Variants in PPP1R12B observed in about 807,000 individuals in gnomAD.
PPP1R12B encodes protein phosphatase 1 regulatory subunit 12B, also known as myosin phosphatase target subunit 2.
In PPP1R12B, 76 loss-of-function variants were observed where a neutral mutation model predicts 126.1. The ratio of observed to expected loss-of-function variants is 0.60; its 90% CI spans 0.50 to 0.73. PPP1R12B has a LOEUF of 0.73. PPP1R12B is among the 30% of genes least tolerant of loss of function. The pLI is 0.00. For synonymous variants in PPP1R12B, 356 were observed against 434.7 expected (o/e 0.82, Z 2.25); for missense variants, 1,052 against 1,205.1 (o/e 0.87, Z 1.88).
intron 20 of PPP1R12B, among the ~76,000 whole-genome samples, chr1:202,563,604 A>G (rs1369853835): frequency 2.0e-5 from 3 of 151,066 alleles, no homozygotes; most frequent in Non-Finnish European, 2.9e-5. Flanking sequence ...GTGAATATCA[A>G]CTAAATACTA....
At chr1:202,422,805 A>C in intron 3 of PPP1R12B, 67 bp downstream of exon 3, 1 of 1,603,712 alleles carries the variant, frequency 6.2e-7, no homozygotes, top group African/African-American at 1.3e-5. Context: ...AAAATAATCC[A>C]TTTGCTGTGC....
intron 18 of PPP1R12B, among the ~76,000 whole-genome samples, chr1:202,547,484 G>A (rs1164848153): frequency 6.6e-6 from 1 of 152,164 alleles, no homozygotes. Context: ...GATACTGAAA[G>A]TGTGTCTGGA....
chr1:202,467,487 T>A (rs1675192495), intron 13 of PPP1R12B, among the ~76,000 whole-genome samples: 1 of 152,088 alleles, frequency 6.6e-6, no homozygotes, highest in South Asian at 2.1e-4. Flanking sequence ...TGGTTTTTTG[T>A]CCTTGTGATA....
At position 202,478,788 on chromosome 1, in the gene PPP1R12B, G is replaced by C. The variant is rs188028012; in HGVS notation, c.1851-9745G>C. Among the ~76,000 whole-genome samples, 6 of 152,228 alleles carry C rather than the reference G, an allele frequency of 3.9e-5. No individual in the cohort carries two copies. In the East Asian group the frequency reaches 1.2e-3, roughly 29 times the overall value. On this transcript the variant is annotated intron_variant, in intron 13 of 23. Coordinates refer to ENST00000608999, the MANE Select transcript of PPP1R12B (RefSeq NM_002481.4). The stretch of plus-strand genomic sequence containing the variant: ...AAAAGCAGTGTGATTTCACATGTGT[G>C]ATTTCAGATATTTAAGATTCCAAGT...
At chr1:202,473,756 T>G (rs1676250164) in intron 13 of PPP1R12B, among the ~76,000 whole-genome samples, 1 of 152,218 alleles carries the variant, frequency 6.6e-6, no homozygotes. Context: ...TCCTCCTCCT[T>G]AGTAGCAGCT....
At chr1:202,559,869 C>G (rs1199923863) in intron 19 of PPP1R12B, among the ~76,000 whole-genome samples, 1 of 152,122 alleles carries the variant, frequency 6.6e-6, no homozygotes, top group African/African-American at 2.4e-5. Context: ...TGTGAACTCT[C>G]TCGTATTATA....
chr1:202,415,473 G>C (rs1667947226), intron 1 of PPP1R12B, among the ~76,000 whole-genome samples: 1 of 152,156 alleles, frequency 6.6e-6, no homozygotes, highest in African/African-American at 2.4e-5. Context: ...GGATTAAAAG[G>C]CAAGTTTTAA....
In PPP1R12B at chr1:202,588,383, G is replaced by C. The variant is rs1006609810; in HGVS notation, c.*7823G>C. The C allele has an allele frequency of 6.6e-6, 1 of 152,572 alleles. No homozygotes were observed. The highest frequency in any genetic ancestry group is 1.5e-5 in the Non-Finnish European group (1 of 68,030). 9.5% of individuals were successfully genotyped at this position (152,572 alleles called of 1,614,324 possible). On this transcript the variant is annotated 3_prime_UTR_variant, in exon 24 of 24. Transcript: ENST00000608999. ...GCCAGACTTGCTTTGTGAACTGAAT[G>C]TATTTTTATGCAATTTTGAGTGGCC...
At chr1:202,417,008 A>G (rs1668164787) in intron 2 of PPP1R12B, 91 bp downstream of exon 2, 1 of 1,376,292 alleles carries the variant, frequency 7.3e-7, no homozygotes, top group East Asian at 2.5e-5. Context: ...TTTTATAAAT[A>G]GTTATAATCT....
At chr1:202,435,708 A>T (rs968422963) in intron 9 of PPP1R12B, among the ~76,000 whole-genome samples, 1 of 152,196 alleles carries the variant, frequency 6.6e-6, no homozygotes, top group Non-Finnish European at 1.5e-5. Flanking sequence ...AGCTGTTGAA[A>T]AAGCTCTGTG....
At position 202,587,908 on chromosome 1, in the gene PPP1R12B, G is replaced by C. The variant is rs527463661; in HGVS notation, c.*7348G>C. On this transcript the variant is annotated 3_prime_UTR_variant, in exon 24 of 24. Coordinates refer to ENST00000608999, the MANE Select transcript of PPP1R12B (RefSeq NM_002481.4). The stretch of plus-strand genomic sequence containing the variant: ...AGGCTGCGGGGTAGGAGAGGGTTCT[G>C]AGAGGAGGCAGCAATCCAGAATACC... 6.6e-6 allele frequency: 1 copy of C among 152,252 alleles called. No homozygotes were observed. Among genetic ancestry groups the C allele is most frequent in the South Asian group, 2.1e-4 (1 of 4,830 alleles). The allele number at this position is 152,252 out of a possible 1,614,324, so 9.4% of individuals were successfully genotyped here.
At chr1:202,546,259 G>A (rs1164279917) in intron 18 of PPP1R12B, among the ~76,000 whole-genome samples, 1 of 152,136 alleles carries the variant, frequency 6.6e-6, no homozygotes, top group Non-Finnish European at 1.5e-5. Context: ...CTGAGAGAGG[G>A]CAGAGTCAGG....
chr1:202,567,259 C>T (rs1358334414), intron 21 of PPP1R12B, among the ~76,000 whole-genome samples: 1 of 152,030 alleles, frequency 6.6e-6, no homozygotes, highest in African/African-American at 2.4e-5. Context: ...AACTGCTGCT[C>T]TAAAAGAAAA....
chr1:202,548,450 T>C (rs1287486678), intron 18 of PPP1R12B, among the ~76,000 whole-genome samples: 1 of 152,032 alleles, frequency 6.6e-6, no homozygotes, highest in Non-Finnish European at 1.5e-5. Flanking sequence ...AGCCTCAAAC[T>C]CCTGGCCTCA....
chr1:202,427,733 C>G (rs1669721698), intron 5 of PPP1R12B, among the ~76,000 whole-genome samples: 4 of 152,138 alleles, frequency 2.6e-5, no homozygotes, highest in Admixed American at 2.6e-4. Flanking sequence ...CAGGCTCCAC[C>G]TCTCAAGTTC....
intron 13 of PPP1R12B, among the ~76,000 whole-genome samples, chr1:202,468,488 C>T (rs1675358380): frequency 6.6e-6 from 1 of 152,222 alleles, no homozygotes; most frequent in Non-Finnish European, 1.5e-5. Flanking sequence ...TCTTTAGATT[C>T]TGCCCAGATC....
chr1:202,548,794 CTCTCTCTCTCTCTCTATATATA>C (rs1685957661), intron 18 of PPP1R12B, among the ~76,000 whole-genome samples: 2 of 112,714 alleles, frequency 1.8e-5, no homozygotes, highest in Non-Finnish European at 3.7e-5. Context: ...CTCTCTCTCT[CTCTCTCTCTCTCTCTATATATA>C]TATATATATA....
At position 202,494,582 on chromosome 1, in the gene PPP1R12B, TAA is replaced by T. The variant is rs35373351; in HGVS notation, c.2146-694_2146-693del. ...CTCTATCTGTCCTAATTCTCAGGTT[TAA>T]AAAAAAAAAAAAAAAAGACCACAAT... On this transcript the variant is annotated intron_variant, in intron 15 of 23. Coordinates refer to ENST00000608999, the MANE Select transcript of PPP1R12B (RefSeq NM_002481.4). Among the ~76,000 whole-genome samples the T allele has an allele frequency of 4.1e-3, 517 of 127,618 alleles. 3 individuals carry two copies. Among genetic ancestry groups the T allele is most frequent in the Non-Finnish European group, 5.5e-3 (333 of 60,884 alleles). 83.7% of individuals were successfully genotyped at this position (127,618 alleles called of 152,430 possible).
intron 13 of PPP1R12B, among the ~76,000 whole-genome samples, chr1:202,453,073 G>A (rs1673210407): frequency 6.6e-6 from 1 of 152,148 alleles, no homozygotes; most frequent in African/African-American, 2.4e-5. Flanking sequence ...TTAGAGGAAA[G>A]GCTTTCAGTT....
Sources: gnomAD v4.1 joint callset for allele counts (sites outside exome capture counted in the v4.1 genomes callset) on GRCh38, gnomAD v4.1.1 for gene constraint, MANE v1.5 for transcripts, NCBI Gene and HGNC (gene_info 2026-07-23, HGNC 2026-07-21) for gene names.